Variants in DPP10 observed in about 807,000 individuals in gnomAD.
DPP10 encodes the protein dipeptidyl peptidase like 10, also known as inactive dipeptidyl peptidase 10.
DPP10 carries 33 observed loss-of-function variants against 120.9 expected under a neutral mutation model. The observed-to-expected ratio is 0.27, with a 90% CI of 0.21 to 0.37. The LOEUF (loss-of-function observed/expected upper bound fraction) is 0.37, where lower values mean the gene tolerates loss of function less well. Among genes scored for constraint, DPP10 ranks in the 10% least tolerant of loss-of-function variants. DPP10 has a pLI of 1.00. For synonymous variants in DPP10, 337 were observed against 326.1 expected, an observed-to-expected ratio of 1.03 and a Z score of -0.36; for missense variants, 816 against 942.8, an observed-to-expected ratio of 0.87 and a Z score of 1.76.
intron 1 of DPP10, among the ~76,000 whole-genome samples, chr2:115,171,501 G>T (rs2053334349): frequency 6.6e-6 from 1 of 151,918 alleles, no homozygotes; most frequent in Admixed American, 6.6e-5. Flanking sequence ...AGAAACTGTT[G>T]TTTCCTAAAT....
intron 1 of DPP10, among the ~76,000 whole-genome samples, chr2:115,217,576 A>C (rs995449011): frequency 6.6e-6 from 1 of 152,216 alleles, no homozygotes; most frequent in Non-Finnish European, 1.5e-5. Context: ...TAAATGAAGT[A>C]TGCCACTTCT....
chr2:114,689,551 C>T (rs918925262), intron 1 of DPP10, among the ~76,000 whole-genome samples: 1 of 151,936 alleles, frequency 6.6e-6, no homozygotes, highest in African/African-American at 2.4e-5. Context: ...CATATGTGTA[C>T]ATACATCTTC....
intron 5 of DPP10, among the ~76,000 whole-genome samples, chr2:115,624,218 TC>T (rs151228678): frequency 0.011 from 1,717 of 152,176 alleles, 29 homozygotes; most frequent in African/African-American, 0.04. Flanking sequence ...TTATTCCTTA[TC>T]TTTTTGTTAA....
At chr2:114,941,012 G>A (rs1215917154) in intron 1 of DPP10, among the ~76,000 whole-genome samples, 2 of 152,132 alleles carry the variant, frequency 1.3e-5, no homozygotes, top group African/African-American at 4.8e-5. Flanking sequence ...GTAATACCCA[G>A]GGAAGGCCAC....
At chr2:114,983,796 A>T (rs1348901348) in intron 1 of DPP10, among the ~76,000 whole-genome samples, 1 of 152,222 alleles carries the variant, frequency 6.6e-6, no homozygotes, top group African/African-American at 2.4e-5. Flanking sequence ...TCTAATTCTC[A>T]TAGTGATCTT....
chr2:114,549,489 T>C (rs1368618444), intron 1 of DPP10, among the ~76,000 whole-genome samples: 3 of 151,792 alleles, frequency 2.0e-5, no homozygotes, highest in East Asian at 1.9e-4. Context: ...TGGGAAACCC[T>C]GTCTCTACTA....
chr2:114,866,001 A>T (rs192717780), intron 1 of DPP10, among the ~76,000 whole-genome samples: 15 of 152,056 alleles, frequency 9.9e-5, no homozygotes, highest in South Asian at 6.2e-4. Flanking sequence ...AAACCCAGCT[A>T]CTCAGGAGGC....
At chr2:115,140,401 AT>A (rs1034917490) in intron 1 of DPP10, among the ~76,000 whole-genome samples, 1 of 152,212 alleles carries the variant, frequency 6.6e-6, no homozygotes, top group Non-Finnish European at 1.5e-5. Flanking sequence ...ATGGAAGATG[AT>A]GGCTCAGAGC....
intron 8 of DPP10, among the ~76,000 whole-genome samples, chr2:115,736,913 T>A (rs1389749916): frequency 6.6e-6 from 1 of 152,150 alleles, no homozygotes; most frequent in Non-Finnish European, 1.5e-5. Flanking sequence ...TTTTGCCACA[T>A]CCCTGATAGG....
chr2:114,446,962 G>C (rs919668551), intron 1 of DPP10, among the ~76,000 whole-genome samples: 17 of 152,052 alleles, frequency 1.1e-4, no homozygotes, highest in African/African-American at 4.1e-4. Context: ...GTATTTTGGA[G>C]TGTGACATTG....
At chr2:115,588,475 G>T (rs762181166) in intron 5 of DPP10, among the ~76,000 whole-genome samples, 2 of 152,150 alleles carry the variant, frequency 1.3e-5, no homozygotes, top group Non-Finnish European at 2.9e-5. Flanking sequence ...CTACCATCAT[G>T]AAGAGGATAC....
At chr2:115,345,976 A>G (rs962194358) in intron 3 of DPP10, among the ~76,000 whole-genome samples, 9 of 152,210 alleles carry the variant, frequency 5.9e-5, no homozygotes, top group African/African-American at 1.2e-4. Context: ...AGAATTTGAC[A>G]TAAAGACAAC....
At position 115,780,995 on chromosome 2, in the gene DPP10, G is replaced by T; in HGVS notation, c.1483G>T (p.Gly495Cys). 3 of 1,575,168 alleles carry T rather than the reference G, an allele frequency of 1.9e-6. No homozygotes were observed. Among genetic ancestry groups the T allele is most frequent in the South Asian group, 1.2e-5 (1 of 85,460 alleles). The change falls in exon 16 of 26, where the codon GGT (glycine) becomes TGT (cysteine). Residue 495 changes from glycine (G) to cysteine (C), a missense_variant and splice_region_variant. Transcript: ENST00000410059. ...TCAACATTTCTTATTATTCTGTGAA[G>T]GTAAGATAATACATGAATTCTGATA... is the stretch of plus-strand genomic sequence containing the variant. ...MNQHFLLFCE[G>C]PRVPVVSLHS...
intron 1 of DPP10, among the ~76,000 whole-genome samples, chr2:114,457,972 C>A (rs1678673803): frequency 6.6e-6 from 1 of 152,156 alleles, no homozygotes; most frequent in African/African-American, 2.4e-5. Flanking sequence ...GAAAGCAACA[C>A]AACAATATTC....
chr2:115,006,009 A>G (rs1309489526), intron 1 of DPP10, among the ~76,000 whole-genome samples: 4 of 152,134 alleles, frequency 2.6e-5, no homozygotes, highest in Non-Finnish European at 4.4e-5. Context: ...TCAGACTAAC[A>G]GTGGATCTCT....
At chr2:115,200,113 C>G (rs1024996970) in intron 1 of DPP10, among the ~76,000 whole-genome samples, 1 of 152,150 alleles carries the variant, frequency 6.6e-6, no homozygotes, top group East Asian at 1.9e-4. Context: ...TTTGTTCCCC[C>G]ACACTTCATC....
intron 1 of DPP10, among the ~76,000 whole-genome samples, chr2:114,996,007 A>C (rs904499730): frequency 5.9e-5 from 9 of 152,222 alleles, no homozygotes; most frequent in Non-Finnish European, 1.2e-4. Context: ...TCTAGGATTC[A>C]GCATATTTGA....
intron 1 of DPP10, among the ~76,000 whole-genome samples, chr2:114,613,815 G>T (rs550638287): frequency 3.0e-4 from 46 of 152,242 alleles, no homozygotes; most frequent in African/African-American, 1.1e-3. Flanking sequence ...CACATCCTTT[G>T]CAGGGACATG....
At chr2:115,707,882 T>A (rs1455961694) in intron 7 of DPP10, among the ~76,000 whole-genome samples, 1 of 152,004 alleles carries the variant, frequency 6.6e-6, no homozygotes, top group African/African-American at 2.4e-5. Flanking sequence ...TCCAGAATTA[T>A]GAATAACAAG....
Sources: allele counts gnomAD v4.1 joint callset (sites outside exome capture counted in the v4.1 genomes callset), GRCh38; gene constraint gnomAD v4.1.1; transcripts MANE v1.5; gene names NCBI Gene and HGNC (gene_info 2026-07-23, HGNC 2026-07-21).